Variants in FAM178B observed in about 807,000 individuals in gnomAD.
The protein encoded by FAM178B is family with sequence similarity 178 member B.
Under a neutral mutation model 91.7 loss-of-function variants are expected in FAM178B, and 82 were observed. That is an observed-to-expected ratio of 0.89 (90% CI 0.75 to 1.07). The LOEUF is 1.07. Among genes scored for constraint, FAM178B ranks in the 50% least tolerant of loss-of-function variants. FAM178B has a pLI of 0.00. For synonymous variants in FAM178B, 368 were observed against 359.4 expected (o/e 1.02, Z -0.27); for missense variants, 769 against 846.7 (o/e 0.91, Z 1.14).
At chr2:96,925,827 T>C (rs1338123577) in intron 9 of FAM178B, among the ~76,000 whole-genome samples, 2 of 152,212 alleles carry the variant, frequency 1.3e-5, no homozygotes, top group Admixed American at 6.5e-5. Flanking sequence ...AAAGTTACCA[T>C]CTGCATGGCA....
rs182219625 is a variant in FAM178B, at chr2:96,968,751, T to C, written c.627-1124A>G. On this transcript the variant is annotated intron_variant, in intron 4 of 16. Transcript: ENST00000490605. ...GTCCTGCTCTTGCCCTTCCCATCCC[T>C]TCTCCAAATGCAGCCTGCAGTTTCT... Among the ~76,000 whole-genome samples the C allele has an allele frequency of 2.9e-3, 435 of 152,228 alleles. 19 individuals are homozygous for C. The East Asian group carries it at 0.051, about 18-fold the overall frequency.
chr2:96,977,087 C>T (rs1192975879), intron 1 of FAM178B, among the ~76,000 whole-genome samples: 2 of 148,004 alleles, frequency 1.4e-5, no homozygotes, highest in East Asian at 2.0e-4. Flanking sequence ...CCCAGCTACT[C>T]GGGACGCTGA....
intron 14 of FAM178B, among the ~76,000 whole-genome samples, chr2:96,891,610 A>T (rs2080682822): frequency 6.6e-6 from 1 of 152,234 alleles, no homozygotes; most frequent in Non-Finnish European, 1.5e-5. Context: ...GCAAAGGGAC[A>T]ACTTTACTTG....
chr2:96,979,366 A>G (rs2082332892), intron 1 of FAM178B, among the ~76,000 whole-genome samples: 1 of 149,814 alleles, frequency 6.7e-6, no homozygotes. Flanking sequence ...TGCAACCTCA[A>G]TTTTTGTACT....
intron 1 of FAM178B, among the ~76,000 whole-genome samples, chr2:96,973,398 T>C (rs1257017): frequency 0.83 from 126,255 of 152,048 alleles, 53,741 homozygotes; most frequent in African/African-American, 0.89. Context: ...CCACAGTAGG[T>C]ATTTGTGCAT....
At chr2:96,917,299 C>T (rs1194384860) in intron 12 of FAM178B, among the ~76,000 whole-genome samples, 2 of 152,186 alleles carry the variant, frequency 1.3e-5, no homozygotes, top group Non-Finnish European at 2.9e-5. Context: ...CGATAAGGCA[C>T]CCTCCTTCCT....
At chr2:96,897,622 C>CT (rs1299260013) in intron 13 of FAM178B, among the ~76,000 whole-genome samples, 1 of 152,210 alleles carries the variant, frequency 6.6e-6, no homozygotes, top group Non-Finnish European at 1.5e-5. Flanking sequence ...GCACATCCCA[C>CT]TGTCTGTACT....
At chr2:96,963,413 T>C (rs1295986077) in intron 5 of FAM178B, among the ~76,000 whole-genome samples, 1 of 152,178 alleles carries the variant, frequency 6.6e-6, no homozygotes, top group Non-Finnish European at 1.5e-5. Flanking sequence ...AACACGCTAA[T>C]TAAATTCAGT....
intron 14 of FAM178B, among the ~76,000 whole-genome samples, chr2:96,879,908 T>C (rs1227948145): frequency 6.6e-6 from 1 of 152,124 alleles, no homozygotes; most frequent in African/African-American, 2.4e-5. Flanking sequence ...GAGCTCCCCT[T>C]CCCTCCAACC....
intron 14 of FAM178B, among the ~76,000 whole-genome samples, chr2:96,880,562 C>G (rs562830426): frequency 2.2e-4 from 34 of 152,194 alleles, no homozygotes; most frequent in Non-Finnish European, 3.8e-4. Flanking sequence ...AATGTGTGTA[C>G]TCATACAAGG....
At chr2:96,904,539 C>CTTTTTTTT (rs1559062927) in intron 12 of FAM178B, among the ~76,000 whole-genome samples, 1 of 133,096 alleles carries the variant, frequency 7.5e-6, no homozygotes. Flanking sequence ...CCATGCCTGG[C>CTTTTTTTT]TATTTTTTTT....
chr2:96,886,248 C>T (rs972747581), intron 14 of FAM178B, among the ~76,000 whole-genome samples: 5 of 152,202 alleles, frequency 3.3e-5, no homozygotes, highest in African/African-American at 9.7e-5. Context: ...AGCCCTGACT[C>T]GAGGGGTGAA....
chr2:96,935,365 A>G lies in FAM178B; in HGVS notation c.1079-6045T>C, dbSNP rs185589627. Among the ~76,000 whole-genome samples, 3 of 152,274 alleles carry G rather than the reference A, an allele frequency of 2.0e-5. No homozygotes were observed. In the East Asian group the frequency reaches 5.8e-4, roughly 29 times the overall value. On this transcript the variant is annotated intron_variant, in intron 8 of 16. Coordinates refer to ENST00000490605, the MANE Select transcript of FAM178B (RefSeq NM_001122646.3). Reference sequence around the variant, plus strand: ...ATGTGCCTCTCATGCTCCAGGTCACATCACGGTCCAGCACGGCTGGTAGAG... The same window carrying G: ...ATGTGCCTCTCATGCTCCAGGTCACGTCACGGTCCAGCACGGCTGGTAGAG...
chr2:96,919,713 G>A (rs1008308590), intron 12 of FAM178B, among the ~76,000 whole-genome samples: 4 of 152,182 alleles, frequency 2.6e-5, no homozygotes, highest in Non-Finnish European at 5.9e-5. Flanking sequence ...GCTGCAGGCA[G>A]CCTCCCTCAC....
At chr2:96,913,866 G>A (rs929024679) in intron 12 of FAM178B, among the ~76,000 whole-genome samples, 1 of 152,176 alleles carries the variant, frequency 6.6e-6, no homozygotes, top group East Asian at 1.9e-4. Flanking sequence ...CCTGGGTCTC[G>A]CTCCCAGAGG....
intron 1 of FAM178B, 50 bp from the exon 2 acceptor site, chr2:96,972,656 A>C: frequency 2.0e-6 from 3 of 1,517,062 alleles, no homozygotes; most frequent in Non-Finnish European, 2.7e-6. Context: ...AGAAAGCTAA[A>C]GGTTCTAAAC....
At chr2:96,925,511 T>TC (rs1337907461) in intron 9 of FAM178B, among the ~76,000 whole-genome samples, 1 of 152,210 alleles carries the variant, frequency 6.6e-6, no homozygotes, top group African/African-American at 2.4e-5. Context: ...CATCAGCTGA[T>TC]CCCCGAAACT....
intron 5 of FAM178B, among the ~76,000 whole-genome samples, chr2:96,962,777 G>A (rs1026034806): frequency 6.6e-5 from 10 of 152,196 alleles, no homozygotes; most frequent in African/African-American, 2.2e-4. Flanking sequence ...ATGCACAGAT[G>A]CTTGCTCGGG....
In FAM178B at chr2:96,955,427, C is replaced by T. The variant is rs945400427; in HGVS notation, c.888-3943G>A. Among the ~76,000 whole-genome samples, 6 of 151,966 alleles carry T rather than the reference C, an allele frequency of 3.9e-5. No homozygotes were observed. The East Asian group carries it at 7.7e-4, about 20-fold the overall frequency. On this transcript the variant is annotated intron_variant, in intron 6 of 16. Coordinates refer to ENST00000490605, the MANE Select transcript of FAM178B (RefSeq NM_001122646.3). ...TCGGGAGGCTAAGGCAGGAGAATGGCGTGAACCCAGGAGGCGGAGCTTGCA... is the reference window on the plus strand; with the variant it reads ...TCGGGAGGCTAAGGCAGGAGAATGGTGTGAACCCAGGAGGCGGAGCTTGCA...
Sources: allele counts gnomAD v4.1 joint callset (sites outside exome capture counted in the v4.1 genomes callset), GRCh38; gene constraint gnomAD v4.1.1; transcripts MANE v1.5; gene names NCBI Gene and HGNC (gene_info 2026-07-23, HGNC 2026-07-21).